Variants in ABCA9 observed in about 807,000 individuals in gnomAD.
The protein encoded by ABCA9 is ATP-binding cassette sub-family A member 9.
Under a neutral mutation model 205.3 loss-of-function variants are expected in ABCA9, and 183 were observed. The ratio of observed to expected loss-of-function variants is 0.89; its 90% CI spans 0.79 to 1.01. The LOEUF (loss-of-function observed/expected upper bound fraction) is 1.01, where lower values mean the gene tolerates loss of function less well. ABCA9 is among the 50% of genes least tolerant of loss of function. The pLI is 0.00. For synonymous variants in ABCA9, 651 were observed against 683.3 expected, an observed-to-expected ratio of 0.95 and a Z score of 0.74; for missense variants, 1,805 against 1,912.4, an observed-to-expected ratio of 0.94 and a Z score of 1.05.
chr17:68,989,467 T>C (rs2069374015), intron 30 of ABCA9, among the ~76,000 whole-genome samples: 1 of 152,180 alleles, frequency 6.6e-6, no homozygotes, highest in African/African-American at 2.4e-5. Flanking sequence ...ATGGGCTGTT[T>C]TGGGGGAATG....
In ABCA9 at chr17:68,997,264, GCTTT is replaced by G. The variant is rs1321196388; in HGVS notation, c.3436-1254_3436-1251del. Among the ~76,000 whole-genome samples, 6 of 152,168 alleles carry G rather than the reference GCTTT, an allele frequency of 3.9e-5. No homozygotes were observed. In the East Asian group the frequency reaches 1.2e-3, roughly 29 times the overall value. ...CTTTTGCAAACTTATTTCTGTGTTTGCTTTCTTTCTATTTAGAGAGTTGTCTTTA... is the reference window on the plus strand; with the variant it reads ...CTTTTGCAAACTTATTTCTGTGTTTGCTTTCTATTTAGAGAGTTGTCTTTA... On this transcript the variant is annotated intron_variant, in intron 25 of 38. Transcript: ENST00000340001.
intron 2 of ABCA9, among the ~76,000 whole-genome samples, chr17:69,050,656 T>G (rs932185376): frequency 5.3e-5 from 8 of 152,210 alleles, no homozygotes; most frequent in African/African-American, 1.7e-4. Flanking sequence ...TGTTAGATTT[T>G]GGATTCCCTG....
At chr17:69,067,653 AAG>A in the ABCA9 span, among the ~76,000 whole-genome samples, 1 of 151,958 alleles carries the variant, frequency 6.6e-6, no homozygotes, top group African/African-American at 2.4e-5. Context: ...AAAGAAAAGA[AAG>A]AGAAAGAAAG....
intron 17 of ABCA9, 40 bp from the exon 18 acceptor site, chr17:69,021,901 T>TGGCCGGGCGC: frequency 7.6e-7 from 1 of 1,319,484 alleles, no homozygotes; most frequent in Non-Finnish European, 1.0e-6. Flanking sequence ...GAATATAATT[T>TGGCCGGGCGC]ATAATGAGAA....
At chr17:68,992,898 T>TGCATGCA in intron 27 of ABCA9, 118 bp downstream of exon 27, 4 of 726,176 alleles carry the variant, frequency 5.5e-6, no homozygotes, top group Admixed American at 2.4e-5. Flanking sequence ...CATGTGTGTG[T>TGCATGCA]TGCTTCAAAT....
Position 69,044,504 on chromosome 17 carries a change from A to C in ABCA9, c.566T>G (p.Ile189Ser). The part of the protein sequence containing the change: ...VAFQAAINAA[I>S]IEIATNHSVM... ...CTTTAACTTTATACTCACTTCTATG[A>C]TAGCAGCATTAATGGCAGCTTGAAA... The change falls in exon 5 of 39, where the codon ATC becomes AGC. Residue 189 changes from isoleucine to serine, a missense_variant. Ile to Ser is a moderately radical substitution (Grantham distance 142, BLOSUM62 -2). Coordinates refer to ENST00000340001, the MANE Select transcript of ABCA9 (RefSeq NM_080283.4). 6.2e-7 allele frequency: 1 copy of C among 1,612,760 alleles called. No homozygotes were observed. Among genetic ancestry groups the C allele is most frequent in the Non-Finnish European group, 8.5e-7 (1 of 1,179,234 alleles).
intron 36 of ABCA9, 145 bp downstream of exon 36, chr17:68,983,564 C>G: frequency 8.6e-7 from 1 of 1,169,024 alleles, no homozygotes; most frequent in Non-Finnish European, 1.2e-6. Flanking sequence ...TGTGTGAGCC[C>G]TTGGAATTGA....
Position 69,032,163 on chromosome 17 carries a change from G to C in ABCA9, c.1390C>G (p.Pro464Ala). Residue 464 changes from proline to alanine, a missense_variant, in exon 10 of 39, where the codon CCT (proline) becomes GCT (alanine). Physicochemically the swap from Pro to Ala is conservative, Grantham distance 27. Transcript: ENST00000340001. ...LENETDSDPT[P>A]NDCFEPVSPE... ...GACACTGGTTCAAAACAGTCATTAG[G>C]TGTAGGATCAGAATCTGTTTCATTC... 3 of 1,613,976 alleles carry C rather than the reference G, an allele frequency of 1.9e-6. No homozygotes were observed. The highest frequency in any genetic ancestry group is 1.7e-6 in the Non-Finnish European group (2 of 1,179,906).
intron 10 of ABCA9, 103 bp from the exon 11 acceptor site, chr17:69,029,330 A>G: frequency 3.0e-6 from 2 of 666,880 alleles, no homozygotes; most frequent in Non-Finnish European, 4.8e-6. Context: ...AAAATCTGGG[A>G]TTCTTTTCTT....
At chr17:69,018,750 A>C (rs1181971705) in intron 19 of ABCA9, among the ~76,000 whole-genome samples, 171 bp from the exon 20 acceptor site, 1 of 152,058 alleles carries the variant, frequency 6.6e-6, no homozygotes, top group African/African-American at 2.4e-5. Flanking sequence ...GGTCATATGT[A>C]TCTACCTTTA....
chr17:68,984,185 A>C lies in ABCA9; in HGVS notation c.4380-10T>G. 6.2e-7 allele frequency: 1 copy of C among 1,613,358 alleles called. No homozygotes were observed. The highest frequency in any genetic ancestry group is 8.5e-7 in the Non-Finnish European group (1 of 1,179,756). On this transcript the variant is annotated splice_polypyrimidine_tract_variant and intron_variant, in intron 34 of 38. Coordinates refer to ENST00000340001, the MANE Select transcript of ABCA9 (RefSeq NM_080283.4). ...GGCCCGAATCACCTGCCTAAAGTTA[A>C]GTCAAGAGAAAACGTGAACTCATGG...
intron 22 of ABCA9, among the ~76,000 whole-genome samples, chr17:69,014,645 A>G (rs892365621): frequency 3.3e-5 from 5 of 152,142 alleles, no homozygotes; most frequent in Non-Finnish European, 5.9e-5. Flanking sequence ...GAAAAAAACA[A>G]TGGTATGATG....
chr17:68,978,165 CAT>C (rs2068940711), intron 37 of ABCA9, among the ~76,000 whole-genome samples: 1 of 152,136 alleles, frequency 6.6e-6, no homozygotes, highest in South Asian at 2.1e-4. Flanking sequence ...ATTGGGTGCA[CAT>C]ATATTTAGGA....
chr17:69,066,091 G>A, the ABCA9 span, among the ~76,000 whole-genome samples: 4 of 152,128 alleles, frequency 2.6e-5, no homozygotes, highest in African/African-American at 4.8e-5. Flanking sequence ...TACTAGCAAC[G>A]TGAGAACGAA....
In ABCA9 at chr17:69,023,855, G is replaced by A. The variant is rs1424576762; in HGVS notation, c.2281+359C>T. On this transcript the variant is annotated intron_variant, in intron 17 of 38. Coordinates refer to ENST00000340001, the MANE Select transcript of ABCA9 (RefSeq NM_080283.4). The surrounding 1 kb of genome is among the most constrained non-coding windows in gnomAD (Gnocchi z 4.2). ...TGTACAATTCTTTCAGCTCTTCTTC[G>A]ATAGTCTGCCACTGTATTTATATAC... Among the ~76,000 whole-genome samples, 1 of 148,310 alleles carries A rather than the reference G, an allele frequency of 6.7e-6. No homozygotes were observed. Among genetic ancestry groups the A allele is most frequent in the East Asian group, 1.9e-4 (1 of 5,186 alleles).
chr17:68,996,494 T>C (rs2069629025), intron 25 of ABCA9, among the ~76,000 whole-genome samples: 1 of 152,220 alleles, frequency 6.6e-6, no homozygotes, highest in Non-Finnish European at 1.5e-5. Context: ...ACATAGGTCT[T>C]TATGTATGGA....
At chr17:69,065,515 C>CCTTG (rs1469204626), upstream of ABCA9, among the ~76,000 whole-genome samples, 1 of 152,030 alleles carries the variant, frequency 6.6e-6, no homozygotes, top group East Asian at 1.9e-4. Context: ...TCCACTCTTC[C>CCTTG]CTTGCCTTGT....
rs527659354 is a variant in ABCA9 at position 68,984,987 on chromosome 17, G to A, written c.4285-8C>T. The A allele has an allele frequency of 8.1e-6, 13 of 1,614,174 alleles. No individual in the cohort carries two copies. Among genetic ancestry groups the A allele is most frequent in the East Asian group, 6.7e-5 (3 of 44,876 alleles). ...GCTCAGCACAAAGCACAGCTGCAAC[G>A]GGAGGAACAGCCCCTCTGGTTCCCA... On this transcript the variant is annotated splice_polypyrimidine_tract_variant and splice_region_variant and intron_variant, in intron 33 of 38. Transcript: ENST00000340001.
At chr17:68,989,320 T>C (rs2069368392) in intron 30 of ABCA9, among the ~76,000 whole-genome samples, 1 of 151,214 alleles carries the variant, frequency 6.6e-6, no homozygotes. Context: ...ACTAGCTTCA[T>C]TTTACAGGTG....
Sources: allele counts gnomAD v4.1 joint callset (sites outside exome capture counted in the v4.1 genomes callset), GRCh38; gene constraint gnomAD v4.1.1; non-coding constraint Gnocchi (gnomAD v3.1); transcripts MANE v1.5; gene names NCBI Gene and HGNC (gene_info 2026-07-23, HGNC 2026-07-21).